The following SYNPO2 variants were observed in gnomAD, a reference collection of about 807,000 sequenced individuals.
The protein encoded by SYNPO2 is synaptopodin-2.
In SYNPO2, 56 loss-of-function variants were observed where a neutral mutation model predicts 85.0. The observed-to-expected ratio is 0.66, with a 90% confidence interval of 0.53 to 0.82. The LOEUF (loss-of-function observed/expected upper bound fraction) is 0.82. SYNPO2 is among the 40% of genes least tolerant of loss of function. The pLI, the probability that SYNPO2 is intolerant of heterozygous loss-of-function variation, is 0.00. For synonymous variants in SYNPO2, 602 were observed against 591.1 expected (o/e 1.02, Z -0.27); for missense variants, 1,575 against 1,534.2 (o/e 1.03, Z -0.44).
At chr4:118,939,589 G>A (rs558963315) in intron 1 of SYNPO2, among the ~76,000 whole-genome samples, 10 of 152,294 alleles carry the variant, frequency 6.6e-5, no homozygotes, top group South Asian at 2.1e-4. Flanking sequence ...GCCTATCCAC[G>A]TATGGCAGCA....
chr4:118,867,481 T>TC (rs1421824723), intron 1 of SYNPO2, among the ~76,000 whole-genome samples: 3 of 151,490 alleles, frequency 2.0e-5, no homozygotes, highest in African/African-American at 7.3e-5. Flanking sequence ...TTTTTTTTTT[T>TC]CAGTCTTAGA....
At chr4:118,976,398 A>C (rs1015107588) in intron 1 of SYNPO2, among the ~76,000 whole-genome samples, 2 of 152,154 alleles carry the variant, frequency 1.3e-5, no homozygotes, top group Non-Finnish European at 2.9e-5. Flanking sequence ...CGTGGACCCA[A>C]AGAGTGAGCA....
chr4:118,882,109 G>A (rs539406958), intron 1 of SYNPO2, among the ~76,000 whole-genome samples: 3 of 152,154 alleles, frequency 2.0e-5, no homozygotes, highest in African/African-American at 7.2e-5. Context: ...CTTTGTCTGG[G>A]ATATTAATTT....
chr4:118,860,552 C>CTT lies in SYNPO2; in HGVS notation c.12+9620_12+9621dup, dbSNP rs34644748. Among the ~76,000 whole-genome samples the CTT allele has an allele frequency of 4.1e-4, 47 of 114,146 alleles. 5 individuals carry two copies. The highest frequency in any genetic ancestry group is 6.5e-4 in the South Asian group (2 of 3,058). The allele number at this position is 114,146 out of a possible 152,430, so 74.9% of individuals were successfully genotyped here. A position where few individuals can be genotyped will look rare whatever the true frequency, so the allele number is the denominator to read the frequency against. ...AGCCACACTGCCTGGCCTCTTTTGC[C>CTT]TTTTTTTTTGTTTTTTTTTTTTGAG... On this transcript the variant is annotated intron_variant, in intron 1 of 4. Transcript: ENST00000610556.
chr4:119,038,884 A>G (rs1738619723), intron 4 of SYNPO2, among the ~76,000 whole-genome samples: 1 of 110,970 alleles, frequency 9.0e-6, no homozygotes, highest in Non-Finnish European at 1.9e-5. Context: ...TAAACCTTAC[A>G]TTTTTTCCAG....
chr4:118,943,541 T>C (rs980622191), intron 1 of SYNPO2, among the ~76,000 whole-genome samples: 2 of 152,240 alleles, frequency 1.3e-5, no homozygotes, highest in African/African-American at 4.8e-5. Flanking sequence ...TGTTTTTTCA[T>C]GCTAACATGC....
At chr4:119,016,458 T>G (rs1321731916) in intron 1 of SYNPO2, among the ~76,000 whole-genome samples, 1 of 151,808 alleles carries the variant, frequency 6.6e-6, no homozygotes, top group Non-Finnish European at 1.5e-5. Context: ...GAAACCCAAA[T>G]AGTTCTAGTT....
At chr4:118,959,922 T>A (rs1012587590) in intron 1 of SYNPO2, among the ~76,000 whole-genome samples, 8 of 152,206 alleles carry the variant, frequency 5.3e-5, no homozygotes, top group African/African-American at 1.4e-4. Flanking sequence ...CGGAGGCCTT[T>A]GCAGATGTAA....
chr4:118,982,905 T>C (rs1046274302), intron 1 of SYNPO2, among the ~76,000 whole-genome samples: 1 of 152,140 alleles, frequency 6.6e-6, no homozygotes, highest in Non-Finnish European at 1.5e-5. Context: ...GAGACTGTGG[T>C]TGTGGGGGAG....
At chr4:118,883,039 G>A (rs1345017233) in intron 1 of SYNPO2, among the ~76,000 whole-genome samples, 1 of 150,110 alleles carries the variant, frequency 6.7e-6, no homozygotes, top group Non-Finnish European at 1.5e-5. Flanking sequence ...GGGATCACAG[G>A]CATGAGCCAC....
chr4:118,957,477 C>T (rs529702510), intron 1 of SYNPO2, among the ~76,000 whole-genome samples: 1 of 152,102 alleles, frequency 6.6e-6, no homozygotes, highest in East Asian at 1.9e-4. Context: ...TGGAAAGTCA[C>T]GTAACCTCTT....
At position 119,059,778 on chromosome 4, in the gene SYNPO2, C is replaced by T. The variant is rs1003487232; in HGVS notation, c.*1844C>T. The T allele has an allele frequency of 6.6e-6, 1 of 151,592 alleles. No individual in the cohort carries two copies. Among genetic ancestry groups the T allele is most frequent in the African/African-American group, 2.4e-5 (1 of 41,280 alleles). The allele number at this position is 151,592 out of a possible 1,614,324, so 9.4% of individuals were successfully genotyped here. A position where few individuals can be genotyped will look rare whatever the true frequency, so the allele number is the denominator to read the frequency against. The stretch of plus-strand genomic sequence containing the variant: ...AAAAGTAAAGAAATCACAGTAAGTT[C>T]TATTAGTGATGATAGAACCAGATAT... On this transcript the variant is annotated 3_prime_UTR_variant, in exon 5 of 5. Transcript: ENST00000307142.
intron 1 of SYNPO2, among the ~76,000 whole-genome samples, chr4:118,990,984 T>G (rs1436337072): frequency 1.3e-5 from 2 of 152,156 alleles, no homozygotes; most frequent in East Asian, 1.9e-4. Context: ...CAGCTCCACA[T>G]GCAGCCTGAA....
At chr4:119,047,538 A>G (rs2149199126) in intron 4 of SYNPO2, among the ~76,000 whole-genome samples, 1 of 148,260 alleles carries the variant, frequency 6.7e-6, no homozygotes, top group African/African-American at 2.5e-5. Context: ...GAATTTCCAA[A>G]AACTCCAGTT....
At chr4:118,964,297 AACACACACACACACACACACAC>A (rs10523074) in intron 1 of SYNPO2, among the ~76,000 whole-genome samples, 249 of 140,716 alleles carry the variant, frequency 1.8e-3, no homozygotes, top group African/African-American at 6.4e-3. Context: ...AAACACACAC[AACACACACACACACACACACAC>A]ACACACACAC....
chr4:118,918,732 A>G (rs1230159567), intron 1 of SYNPO2, among the ~76,000 whole-genome samples: 2 of 152,212 alleles, frequency 1.3e-5, no homozygotes, highest in African/African-American at 4.8e-5. Flanking sequence ...TTCCTTAAAA[A>G]CAACTTAGTC....
intron 1 of SYNPO2, among the ~76,000 whole-genome samples, chr4:118,912,590 G>T (rs1340138184): frequency 1.3e-5 from 2 of 152,030 alleles, no homozygotes; most frequent in African/African-American, 4.8e-5. Context: ...TTGTTTCTAT[G>T]ACAGCTGTTC....
intron 4 of SYNPO2, chr4:119,035,368 C>T: frequency 1.0e-6 from 1 of 985,386 alleles, no homozygotes; most frequent in Non-Finnish European, 1.2e-6. Context: ...AATCCCAGAA[C>T]TGGTAAGATT....
intron 1 of SYNPO2, among the ~76,000 whole-genome samples, chr4:118,949,933 A>C (rs1734640991): frequency 6.6e-6 from 1 of 152,206 alleles, no homozygotes; most frequent in Non-Finnish European, 1.5e-5. Flanking sequence ...AATGATTTAT[A>C]ATGAAAGTTA....
Sources: allele counts gnomAD v4.1 joint callset (sites outside exome capture counted in the v4.1 genomes callset), GRCh38; gene constraint gnomAD v4.1.1; transcripts MANE v1.5; gene names NCBI Gene and HGNC (gene_info 2026-07-23, HGNC 2026-07-21).